EBNA1BP2: variants seen among roughly 807,000 people sequenced by gnomAD.
EBNA1BP2 encodes probable rRNA-processing protein EBP2.
EBNA1BP2 carries 36 observed loss-of-function variants against 43.5 expected under a neutral mutation model. The observed-to-expected ratio is 0.83, with a 90% CI of 0.63 to 1.09. The LOEUF is 1.09. Ranked by LOEUF, EBNA1BP2 falls within the 50% of genes least tolerant of loss-of-function variation. EBNA1BP2 has a pLI of 0.00. For missense variants in EBNA1BP2, 332 were observed against 379.1 expected (o/e 0.88, Z 1.03); for synonymous variants, 127 against 141.3 (o/e 0.90, Z 0.72).
At position 43,164,690 on chromosome 1, in the gene EBNA1BP2, T is replaced by C; in HGVS notation, c.823A>G (p.Thr275Ala). The C allele has an allele frequency of 6.2e-7, 1 of 1,614,236 alleles. No individual in the cohort carries two copies. Among genetic ancestry groups the C allele is most frequent in the Non-Finnish European group, 8.5e-7 (1 of 1,180,034 alleles). ...CTCTTGAGGCCTCTGCCATGAGCTG[T>C]CTTGGCCCGGAAGCTAGATACATCA... ...YDDVSSFRAK[T>A]AHGRGLKRPG... Residue 275 changes from threonine (T) to alanine (A), a missense_variant, in exon 8 of 9, where the codon ACA (threonine) becomes GCA (alanine). By Grantham distance (58) the Thr-to-Ala change is moderately conservative. Coordinates refer to ENST00000236051, the MANE Select transcript of EBNA1BP2 (RefSeq NM_006824.3).
At position 43,172,166 on chromosome 1, in the gene EBNA1BP2, G is replaced by A. The variant is rs768686108; in HGVS notation, c.-48C>T. The A allele has an allele frequency of 1.9e-6, 3 of 1,613,044 alleles. No individual in the cohort carries two copies. The highest frequency in any genetic ancestry group is 1.6e-4 in the Middle Eastern group (1 of 6,062). Reference sequence around the variant, plus strand: ...CCTACAGGAAGAAACGGGGTATCCCGAGACCCAAGCGGCTAGCAGAGGGCG... The same window carrying A: ...CCTACAGGAAGAAACGGGGTATCCCAAGACCCAAGCGGCTAGCAGAGGGCG... On this transcript the variant is annotated 5_prime_UTR_variant, in exon 1 of 9. Coordinates refer to ENST00000236051, the MANE Select transcript of EBNA1BP2 (RefSeq NM_006824.3).
chr1:43,168,753 T>A (rs1052678289), intron 5 of EBNA1BP2, among the ~76,000 whole-genome samples, 186 bp downstream of exon 5: 1 of 152,176 alleles, frequency 6.6e-6, no homozygotes, highest in Admixed American at 6.5e-5. Flanking sequence ...GTCACCATAC[T>A]ACTCCTGGGG....
At chr1:43,170,618 G>A (rs1288123312) in intron 4 of EBNA1BP2, 138 bp downstream of exon 4, 1 of 1,272,798 alleles carries the variant, frequency 7.9e-7, no homozygotes, top group Admixed American at 2.8e-5. Context: ...CTCTGAAGTA[G>A]CCAATCTATG....
chr1:43,172,307 T>A (rs749510195), upstream of EBNA1BP2: 4 of 1,551,686 alleles, frequency 2.6e-6, no homozygotes, highest in Admixed American at 5.9e-5. Context: ...TGATTGGGAC[T>A]TCCGCTTCCG....
chr1:43,169,013 G>A lies in EBNA1BP2; in HGVS notation c.463C>T (p.Gln155Ter). The A allele has an allele frequency of 6.2e-7, 1 of 1,614,020 alleles. No individual in the cohort carries two copies. The highest frequency in any genetic ancestry group is 2.2e-5 in the East Asian group (1 of 44,888). Residue 155 changes from glutamine (Q) to a stop codon, truncating the protein, a stop_gained, in exon 5 of 9, where the codon CAG (glutamine) becomes TAG (stop). Coordinates refer to ENST00000236051, the MANE Select transcript of EBNA1BP2 (RefSeq NM_006824.3). LOFTEE classifies it high-confidence loss of function. ...LQMQKIRQKL[Q>*]TKQAAMERSE... ...CTCTCCATGGCAGCCTGTTTAGTCT[G>A]CAGCTTCTGTCGAATCTACAACACA...
At chr1:43,171,415 C>G in intron 3 of EBNA1BP2, 64 bp downstream of exon 3, 10 of 1,514,044 alleles carry the variant, frequency 6.6e-6, no homozygotes, top group Non-Finnish European at 8.9e-6. Flanking sequence ...TTACTAATTT[C>G]CCCTCTTTCC....
At chr1:43,169,352 C>T (rs780792594) in intron 4 of EBNA1BP2, among the ~76,000 whole-genome samples, 16 of 152,176 alleles carry the variant, frequency 1.1e-4, no homozygotes, top group African/African-American at 1.9e-4. Context: ...AACCAGTATG[C>T]GGCCTCAGTG....
At position 43,172,224 on chromosome 1, in the gene EBNA1BP2, T is replaced by G; in HGVS notation, c.-106A>C. The stretch of plus-strand genomic sequence containing the variant: ...CCGCTGCTGCCTGCCTTCAGCCCCC[T>G]ACTCCCACGCCGTGGCTCCACGTGC... On this transcript the variant is annotated 5_prime_UTR_variant, in exon 1 of 9. Coordinates refer to ENST00000236051, the MANE Select transcript of EBNA1BP2 (RefSeq NM_006824.3). 2 of 1,577,042 alleles carry G rather than the reference T, an allele frequency of 1.3e-6. No homozygotes were observed. Among genetic ancestry groups the G allele is most frequent in the Non-Finnish European group, 1.7e-6 (2 of 1,160,672 alleles).
rs183878933 is a variant in EBNA1BP2, at chr1:43,165,389, C to T, written c.708-584G>A. Among the ~76,000 whole-genome samples the T allele has an allele frequency of 4.0e-3, 615 of 152,238 alleles. 3 individuals are homozygous for T. The highest frequency in any genetic ancestry group is 0.014 in the African/African-American group (587 of 41,516). ...TACATATGCCCTCACTTGAGGCTGGCGCTGCTCCCACCAACCCAGACACAC... is the reference window on the plus strand; with the variant it reads ...TACATATGCCCTCACTTGAGGCTGGTGCTGCTCCCACCAACCCAGACACAC... On this transcript the variant is annotated intron_variant, in intron 7 of 8. Coordinates refer to ENST00000236051, the MANE Select transcript of EBNA1BP2 (RefSeq NM_006824.3).
In EBNA1BP2 at chr1:43,171,549, C is replaced by G; in HGVS notation, c.253G>C (p.Ala85Pro). 4 of 1,614,180 alleles carry G rather than the reference C, an allele frequency of 2.5e-6. No individual in the cohort carries two copies. Among genetic ancestry groups the G allele is most frequent in the Non-Finnish European group, 3.4e-6 (4 of 1,180,026 alleles). Residue 85 changes from alanine to proline, a missense_variant, in exon 3 of 9, where the codon GCG becomes CCG. Ala to Pro is a conservative substitution (Grantham distance 27, BLOSUM62 -1). Around this residue, in one of 3 missense-constraint regions of EBNA1BP2, gnomAD observed 182 missense variants for 173.7 expected, o/e 1.05. Coordinates refer to ENST00000236051, the MANE Select transcript of EBNA1BP2 (RefSeq NM_006824.3). ...TGGTCCTTGTTCTGAGGTGCTGGCG[C>G]CTCAGATCCACCGATCTCCGGTACC... ...GPVPEIGGSE[A>P]PAPQNKDQKA...
chr1:43,164,335 A>T lies in EBNA1BP2; in HGVS notation c.*108T>A. 7.4e-7 allele frequency: 1 copy of T among 1,358,982 alleles called. No individual in the cohort carries two copies. Among genetic ancestry groups the T allele is most frequent in the Admixed American group, 1.9e-5 (1 of 51,730 alleles). The allele number at this position is 1,358,982 out of a possible 1,614,324, so 84.2% of individuals were successfully genotyped here. ...TCCTTTAATAATTTTTCTTTAGTTT[A>T]TTGAAAGAAATGTTTACAACATGAC... On this transcript the variant is annotated 3_prime_UTR_variant, in exon 9 of 9. Transcript: ENST00000236051.
At chr1:43,168,836 C>G (rs1644934880) in intron 5 of EBNA1BP2, 103 bp downstream of exon 5, 1 of 1,140,562 alleles carries the variant, frequency 8.8e-7, no homozygotes, top group African/African-American at 1.5e-5. Flanking sequence ...AATACATGAT[C>G]AACACACAGT....
At chr1:43,167,328 T>A in intron 5 of EBNA1BP2, 93 bp from the exon 6 acceptor site, 1 of 1,176,778 alleles carries the variant, frequency 8.5e-7, no homozygotes, top group Admixed American at 1.7e-5. Flanking sequence ...TTAATACCAC[T>A]ACCCTCTGAC....
intron 4 of EBNA1BP2, 48 bp downstream of exon 4, chr1:43,170,708 C>T (rs747770045): frequency 1.5e-5 from 24 of 1,583,840 alleles, no homozygotes; most frequent in Non-Finnish European, 9.4e-6. Context: ...GCTGAATATG[C>T]TTAAGTACAA....
upstream of EBNA1BP2, chr1:43,172,325 A>T (rs780342786): frequency 5.6e-5 from 87 of 1,551,456 alleles, 1 homozygote; most frequent in South Asian, 2.4e-4. Flanking sequence ...CCGGCGGCAA[A>T]CCATACTTCC....
chr1:43,166,728 T>C (rs1003833059), intron 7 of EBNA1BP2, 98 bp downstream of exon 7: 3 of 1,247,678 alleles, frequency 2.4e-6, no homozygotes, highest in Non-Finnish European at 2.3e-6. Context: ...CTGGACTCTA[T>C]GGCTGCGCCG....
intron 5 of EBNA1BP2, 29 bp from the exon 6 acceptor site, chr1:43,167,264 G>A: frequency 1.9e-6 from 3 of 1,601,220 alleles, no homozygotes; most frequent in Non-Finnish European, 2.6e-6. Context: ...GACCGTTACA[G>A]CCATTCCATA....
chr1:43,165,655 G>C (rs1296295561), intron 7 of EBNA1BP2, among the ~76,000 whole-genome samples: 2 of 152,068 alleles, frequency 1.3e-5, no homozygotes, highest in Non-Finnish European at 2.9e-5. Context: ...CTACAACCTA[G>C]TCTCTCCACT....
intron 4 of EBNA1BP2, 79 bp downstream of exon 4, chr1:43,170,677 C>T: frequency 1.9e-6 from 3 of 1,539,528 alleles, no homozygotes; most frequent in Non-Finnish European, 2.6e-6. Flanking sequence ...TTATTGGGCT[C>T]ATAGCTATCT....
Sources: allele counts gnomAD v4.1 joint callset (sites outside exome capture counted in the v4.1 genomes callset), GRCh38; gene constraint gnomAD v4.1.1; regional missense constraint gnomAD v4.1.1; transcripts MANE v1.5; gene names NCBI Gene and HGNC (gene_info 2026-07-23, HGNC 2026-07-21).